Variants in ENTREP2 observed in about 807,000 individuals in gnomAD.
ENTREP2 encodes the protein endosomal transmembrane epsin interactor 2.
chr15:29,220,290 C>T, the ENTREP2 span, among the ~76,000 whole-genome samples: 1 of 152,192 alleles, frequency 6.6e-6, no homozygotes, highest in Non-Finnish European at 1.5e-5. Context: ...TTCAGAGAAA[C>T]CAGGATCAGA....
chr15:29,298,168 G>A, the ENTREP2 span, among the ~76,000 whole-genome samples: 1 of 145,584 alleles, frequency 6.9e-6, no homozygotes, highest in African/African-American at 2.4e-5. Context: ...ATGAATCAAA[G>A]AAGAAATAAT....
the ENTREP2 span, among the ~76,000 whole-genome samples, chr15:29,440,662 C>CT: frequency 6.6e-6 from 1 of 152,140 alleles, no homozygotes; most frequent in East Asian, 1.9e-4. Flanking sequence ...CCCGTCCTGC[C>CT]TCTCACCACA....
the ENTREP2 span, among the ~76,000 whole-genome samples, chr15:29,448,391 A>T: frequency 3.9e-4 from 59 of 152,274 alleles, no homozygotes; most frequent in African/African-American, 1.2e-3. Context: ...TATCTTCATA[A>T]CTGGAATTCA....
chr15:29,618,982 C>T, the ENTREP2 span, among the ~76,000 whole-genome samples: 1 of 152,244 alleles, frequency 6.6e-6, no homozygotes, highest in Non-Finnish European at 1.5e-5. Flanking sequence ...CTGGCTGCGG[C>T]TGGAGTGGAG....
chr15:29,653,111 C>A, the ENTREP2 span, among the ~76,000 whole-genome samples: 1 of 152,148 alleles, frequency 6.6e-6, no homozygotes, highest in African/African-American at 2.4e-5. Context: ...AACTGGGAGT[C>A]CATATCACTG....
chr15:29,192,297 A>G, the ENTREP2 span, among the ~76,000 whole-genome samples: 1 of 152,234 alleles, frequency 6.6e-6, no homozygotes, highest in Non-Finnish European at 1.5e-5. Flanking sequence ...AGAGAATAAC[A>G]TATCATCTAT....
the ENTREP2 span, among the ~76,000 whole-genome samples, chr15:29,379,790 C>T: frequency 2.0e-5 from 3 of 152,178 alleles, no homozygotes; most frequent in Non-Finnish European, 2.9e-5. Flanking sequence ...GGGGGTGGCG[C>T]GCGGGGGTGA....
the ENTREP2 span, among the ~76,000 whole-genome samples, chr15:29,258,375 C>T: frequency 1.3e-5 from 2 of 152,028 alleles, no homozygotes; most frequent in Admixed American, 6.6e-5. Flanking sequence ...GAAAACATCA[C>T]GAAAGCAAAC....
At chr15:29,570,650 C>A in the ENTREP2 span, 2 of 1,350,722 alleles carry the variant, frequency 1.5e-6, no homozygotes, top group Non-Finnish European at 1.9e-6. Context: ...GCGGCCCGGG[C>A]ACTCGCGCAG....
the ENTREP2 span, chr15:29,126,203 G>T: frequency 4.6e-6 from 6 of 1,307,522 alleles, no homozygotes; most frequent in Non-Finnish European, 6.2e-6. Context: ...GGGTCACTGA[G>T]ACCTGCAGCA....
At chr15:29,573,633 C>CTCTG in the ENTREP2 span, among the ~76,000 whole-genome samples, 1 of 151,492 alleles carries the variant, frequency 6.6e-6, no homozygotes, top group African/African-American at 2.4e-5. Context: ...TCTCTCTTCT[C>CTCTG]TCTCTCTCCC....
At chr15:29,183,121 A>G in the ENTREP2 span, among the ~76,000 whole-genome samples, 1 of 152,354 alleles carries the variant, frequency 6.6e-6, no homozygotes, top group Non-Finnish European at 1.5e-5. Flanking sequence ...TGCCTGCATT[A>G]AAACTGAAAA....
chr15:29,656,984 G>T, the ENTREP2 span, among the ~76,000 whole-genome samples: 2 of 152,146 alleles, frequency 1.3e-5, no homozygotes, highest in South Asian at 4.1e-4. Flanking sequence ...TGCAGTTGCT[G>T]CCGGCCAGGG....
At chr15:29,227,608 C>T in the ENTREP2 span, among the ~76,000 whole-genome samples, 4 of 152,022 alleles carry the variant, frequency 2.6e-5, no homozygotes, top group Non-Finnish European at 4.4e-5. Flanking sequence ...CTCCTGCTGT[C>T]ATGAGGCTAA....
the ENTREP2 span, among the ~76,000 whole-genome samples, chr15:29,336,187 T>C: frequency 6.6e-6 from 1 of 151,798 alleles, no homozygotes; most frequent in African/African-American, 2.4e-5. Context: ...ATAAACCCTT[T>C]TCCTATCGTC....
At chr15:29,215,349 C>T in the ENTREP2 span, among the ~76,000 whole-genome samples, 10 of 148,934 alleles carry the variant, frequency 6.7e-5, no homozygotes, top group South Asian at 2.1e-3. Flanking sequence ...TAATCAGCTG[C>T]TAGTGCAGAT....
chr15:29,167,415 A>G, the ENTREP2 span, among the ~76,000 whole-genome samples: 1 of 152,236 alleles, frequency 6.6e-6, no homozygotes, highest in Admixed American at 6.5e-5. Flanking sequence ...TTCACAATCT[A>G]TACATCTGAC....
chr15:29,570,577 G>A, the ENTREP2 span: 1 of 1,470,088 alleles, frequency 6.8e-7, no homozygotes, highest in South Asian at 1.3e-5. Context: ...CGGCGAAGCT[G>A]ACTGCCACGA....
At chr15:29,389,478 G>C in the ENTREP2 span, among the ~76,000 whole-genome samples, 1 of 152,044 alleles carries the variant, frequency 6.6e-6, no homozygotes, top group African/African-American at 2.4e-5. Context: ...TGAGCGCTTG[G>C]AACTGACTGT....
Sources: allele counts gnomAD v4.1 joint callset (sites outside exome capture counted in the v4.1 genomes callset), GRCh38; gene constraint gnomAD v4.1.1; transcripts MANE v1.5; gene names NCBI Gene and HGNC (gene_info 2026-07-23, HGNC 2026-07-21).